Variants in NAV2 observed in about 807,000 individuals in gnomAD.
The protein encoded by NAV2 is helicase, APC down-regulated 1.
NAV2 carries 54 observed loss-of-function variants against 223.2 expected under a neutral mutation model. That is an observed-to-expected ratio of 0.24 (90% CI 0.19 to 0.30). NAV2 has a LOEUF of 0.30. Ranked by LOEUF, NAV2 falls within the 10% of genes least tolerant of loss-of-function variation. The pLI is 1.00. For synonymous variants in NAV2, 1,279 were observed against 1,239.3 expected, an observed-to-expected ratio of 1.03 and a Z score of -0.67; for missense variants, 2,806 against 3,147.5, an observed-to-expected ratio of 0.89 and a Z score of 2.60.
chr11:19,620,780 A>G (rs1259530665), intron 1 of NAV2, among the ~76,000 whole-genome samples: 1 of 152,216 alleles, frequency 6.6e-6, no homozygotes, highest in Admixed American at 6.5e-5. Context: ...TGCCCTGGCC[A>G]GAACTTCCAA....
chr11:19,804,852 A>G (rs1006337090), intron 1 of NAV2, among the ~76,000 whole-genome samples: 1 of 152,200 alleles, frequency 6.6e-6, no homozygotes, highest in Admixed American at 6.5e-5. Context: ...ATTCTAACCC[A>G]GTGCTTTTGA....
chr11:19,782,349 A>C (rs1364340688), intron 1 of NAV2, among the ~76,000 whole-genome samples: 1 of 152,216 alleles, frequency 6.6e-6, no homozygotes, highest in Non-Finnish European at 1.5e-5. Flanking sequence ...AGGGAAGGAG[A>C]GAAAGCCTCT....
At chr11:19,463,792 G>A (rs1439422054) in intron 1 of NAV2, among the ~76,000 whole-genome samples, 1 of 152,132 alleles carries the variant, frequency 6.6e-6, no homozygotes, top group Non-Finnish European at 1.5e-5. Context: ...GGGAGCACTT[G>A]GGGGAACTGG....
intron 1 of NAV2, among the ~76,000 whole-genome samples, chr11:19,382,190 C>T (rs533041456): frequency 6.6e-6 from 1 of 152,280 alleles, no homozygotes; most frequent in South Asian, 2.1e-4. Context: ...GGGGGAAGGG[C>T]GCAGTGTCCT....
At position 20,093,135 on chromosome 11, in the gene NAV2, G is replaced by T. The variant is rs758875251; in HGVS notation, c.5852G>T (p.Arg1951Leu). 3 of 1,614,022 alleles carry T rather than the reference G, an allele frequency of 1.9e-6. No homozygotes were observed. The highest frequency in any genetic ancestry group is 1.7e-5 in the Admixed American group (1 of 60,016). ...GATGACACTGGTGAATGCTCGGCTC[G>T]GAAGGAAGGAGGCAGGCATGTTAAG... ...LLDDTGECSA[R>L]KEGGRHVKIV... Residue 1951 changes from arginine to leucine, a missense_variant, in exon 29 of 38, where the codon CGG (arginine) becomes CTG (leucine). Transcript: ENST00000349880.
At chr11:19,739,633 TTC>T (rs2052621495) in intron 1 of NAV2, among the ~76,000 whole-genome samples, 1 of 152,284 alleles carries the variant, frequency 6.6e-6, no homozygotes, top group African/African-American at 2.4e-5. Context: ...TTAGAGAGTG[TTC>T]TCTGTTAGCC....
intron 1 of NAV2, among the ~76,000 whole-genome samples, chr11:19,465,201 CATT>C (rs996521650): frequency 6.6e-6 from 1 of 152,150 alleles, no homozygotes; most frequent in Admixed American, 6.5e-5. Flanking sequence ...CTGGGAGTGT[CATT>C]GCTCCTGAGG....
intron 1 of NAV2, among the ~76,000 whole-genome samples, chr11:19,757,927 G>A (rs1263905023): frequency 6.6e-6 from 1 of 152,116 alleles, no homozygotes; most frequent in Non-Finnish European, 1.5e-5. Flanking sequence ...CCAGTCTCTT[G>A]GTGCTGCCTC....
At chr11:19,649,088 A>C (rs1199390918) in intron 1 of NAV2, among the ~76,000 whole-genome samples, 2 of 152,144 alleles carry the variant, frequency 1.3e-5, no homozygotes, top group Admixed American at 1.3e-4. Flanking sequence ...TTACAGCTCC[A>C]GTTTTGGGGC....
chr11:20,030,066 G>C (rs2055551976), intron 11 of NAV2, among the ~76,000 whole-genome samples: 1 of 152,190 alleles, frequency 6.6e-6, no homozygotes, highest in African/African-American at 2.4e-5. Context: ...GCCAAGCTCT[G>C]TGTCCCATAT....
At chr11:19,385,752 C>CTTTTTTTTTT (rs1849009295) in intron 1 of NAV2, among the ~76,000 whole-genome samples, 1 of 69,500 alleles carries the variant, frequency 1.4e-5, no homozygotes, top group Non-Finnish European at 2.6e-5. Flanking sequence ...CAATATAGCT[C>CTTTTTTTTTT]CTTTTTTTTT....
At chr11:19,770,846 G>C (rs1179679671) in intron 1 of NAV2, among the ~76,000 whole-genome samples, 1 of 152,142 alleles carries the variant, frequency 6.6e-6, no homozygotes, top group Non-Finnish European at 1.5e-5. Context: ...AAAATGTCAA[G>C]TACATATCCA....
chr11:19,675,053 T>C (rs899013672), intron 1 of NAV2, among the ~76,000 whole-genome samples: 3 of 152,266 alleles, frequency 2.0e-5, no homozygotes, highest in African/African-American at 7.2e-5. Flanking sequence ...AGAGACCTCA[T>C]GGCCACATCC....
chr11:19,930,889 T>C (rs80348099), intron 6 of NAV2, among the ~76,000 whole-genome samples: 1,891 of 152,286 alleles, frequency 0.012, 56 homozygotes, highest in African/African-American at 0.044. Flanking sequence ...TGGTTTGTAC[T>C]CCACCATGGA....
chr11:19,745,548 A>G (rs2053264567), intron 1 of NAV2, among the ~76,000 whole-genome samples: 2 of 150,862 alleles, frequency 1.3e-5, no homozygotes, highest in East Asian at 2.0e-4. Context: ...GTAAAATACA[A>G]TCTTTCTTGG....
chr11:19,654,741 C>T (rs1056672514), intron 1 of NAV2, among the ~76,000 whole-genome samples: 2 of 152,168 alleles, frequency 1.3e-5, no homozygotes, highest in African/African-American at 4.8e-5. Flanking sequence ...AAAATTAATT[C>T]AAGATGGATT....
intron 1 of NAV2, among the ~76,000 whole-genome samples, chr11:19,516,800 C>T (rs1206204618): frequency 6.6e-6 from 1 of 152,118 alleles, no homozygotes; most frequent in Non-Finnish European, 1.5e-5. Context: ...GGCAACAGAC[C>T]AAGGTCACCA....
intron 1 of NAV2, among the ~76,000 whole-genome samples, chr11:19,493,882 A>G (rs1326461506): frequency 6.6e-6 from 1 of 152,240 alleles, no homozygotes; most frequent in African/African-American, 2.4e-5. Context: ...CTTAAAAAGA[A>G]AGGCCCGAAA....
chr11:20,103,503 G>C, intron 33 of NAV2, 94 bp downstream of exon 33: 2 of 1,520,430 alleles, frequency 1.3e-6, no homozygotes, highest in Non-Finnish European at 1.8e-6. Context: ...GCCGTTGTGG[G>C]AGTGAAGCTG....
Sources: gnomAD v4.1 joint callset for allele counts (sites outside exome capture counted in the v4.1 genomes callset) on GRCh38, gnomAD v4.1.1 for gene constraint, MANE v1.5 for transcripts, NCBI Gene and HGNC (gene_info 2026-07-23, HGNC 2026-07-21) for gene names.